FBXL17: variants seen among roughly 807,000 people sequenced by gnomAD.
FBXL17 encodes the protein F-box/LRR-repeat protein 17.
In FBXL17, 22 loss-of-function variants were observed where a neutral mutation model predicts 66.2. That is an observed-to-expected ratio of 0.33 (90% confidence interval 0.24 to 0.47). The LOEUF (loss-of-function observed/expected upper bound fraction) is 0.47. Among genes scored for constraint, FBXL17 ranks in the 20% least tolerant of loss-of-function variants. The pLI is 1.00. For synonymous variants in FBXL17, 474 were observed against 400.5 expected, an observed-to-expected ratio of 1.18 and a Z score of -2.19; for missense variants, 878 against 948.2, an observed-to-expected ratio of 0.93 and a Z score of 0.97.
At chr5:108,043,060 T>C (rs1420549155) in intron 6 of FBXL17, among the ~76,000 whole-genome samples, 1 of 152,226 alleles carries the variant, frequency 6.6e-6, no homozygotes, top group Non-Finnish European at 1.5e-5. Flanking sequence ...CATTTACGCA[T>C]TTTCTAACTG....
At chr5:107,878,509 G>A in intron 8 of FBXL17, 1 of 776,960 alleles carries the variant, frequency 1.3e-6, no homozygotes, top group Non-Finnish European at 1.6e-6. Context: ...GTTAGTAACT[G>A]CCCGCGGTGA....
intron 6 of FBXL17, among the ~76,000 whole-genome samples, chr5:108,167,670 C>A (rs1016920357): frequency 1.3e-5 from 2 of 152,098 alleles, no homozygotes; most frequent in African/African-American, 4.8e-5. Flanking sequence ...AAACTCCTTA[C>A]AAAGCCATGT....
At chr5:108,213,550 C>T (rs1754469312) in intron 5 of FBXL17, among the ~76,000 whole-genome samples, 1 of 152,172 alleles carries the variant, frequency 6.6e-6, no homozygotes, top group African/African-American at 2.4e-5. Context: ...GAAAATTCCC[C>T]AATCCCTTGC....
At chr5:108,326,319 G>C (rs868501327) in intron 4 of FBXL17, among the ~76,000 whole-genome samples, 11 of 152,016 alleles carry the variant, frequency 7.2e-5, no homozygotes, top group African/African-American at 2.2e-4. Context: ...TTGGCTGGGC[G>C]CAGTGGCTCA....
At position 108,210,634 on chromosome 5, in the gene FBXL17, T is replaced by C. The variant is rs146179101; in HGVS notation, c.1614+13487A>G. Among the ~76,000 whole-genome samples, 11 of 152,378 alleles carry C rather than the reference T, an allele frequency of 7.2e-5. No homozygotes were observed. The East Asian group carries it at 2.1e-3, about 29-fold the overall frequency. The stretch of plus-strand genomic sequence containing the variant: ...AGTTGTGCGGTTTTGAGTGAGTCTC[T>C]TAATCGTGAGTTCTAATTTGATTGC... On this transcript the variant is annotated intron_variant, in intron 5 of 8. Transcript: ENST00000542267.
At chr5:108,334,680 G>A (rs1222463847) in intron 4 of FBXL17, among the ~76,000 whole-genome samples, 2 of 152,078 alleles carry the variant, frequency 1.3e-5, no homozygotes, top group Non-Finnish European at 2.9e-5. Context: ...ACTTCATGGT[G>A]GTTACTATAA....
Position 108,139,442 on chromosome 5 carries a change from T to C in FBXL17, c.1745+46675A>G, listed in dbSNP as rs184991542. Among the ~76,000 whole-genome samples, 25 of 152,318 alleles carry C rather than the reference T, an allele frequency of 1.6e-4. No individual in the cohort carries two copies. In the East Asian group the frequency reaches 4.6e-3, roughly 28 times the overall value. ...TCAATCAGCATTTTTTGAGTTCTCA[T>C]AAGTGGACTGCTGACTTCTGCTGGA... On this transcript the variant is annotated intron_variant, in intron 6 of 8. Transcript: ENST00000542267.
At chr5:108,278,592 T>G (rs1201187553) in intron 4 of FBXL17, among the ~76,000 whole-genome samples, 1 of 152,088 alleles carries the variant, frequency 6.6e-6, no homozygotes, top group Non-Finnish European at 1.5e-5. Context: ...CAGGACTGAG[T>G]TGCAGGCCAG....
At chr5:108,089,500 T>C (rs1321522945) in intron 6 of FBXL17, among the ~76,000 whole-genome samples, 1 of 152,174 alleles carries the variant, frequency 6.6e-6, no homozygotes, top group Non-Finnish European at 1.5e-5. Flanking sequence ...CTTCCTTAAA[T>C]CTCTTCTTAA....
chr5:108,168,880 A>G (rs1265485093), intron 6 of FBXL17, among the ~76,000 whole-genome samples: 1 of 152,188 alleles, frequency 6.6e-6, no homozygotes, highest in Non-Finnish European at 1.5e-5. Flanking sequence ...GAAAAATAAA[A>G]CCATTCAAAT....
At chr5:108,164,215 C>G (rs1054258266) in intron 6 of FBXL17, among the ~76,000 whole-genome samples, 2 of 152,142 alleles carry the variant, frequency 1.3e-5, no homozygotes, top group Non-Finnish European at 2.9e-5. Context: ...ATTATCCAAC[C>G]ATGACATTAA....
intron 6 of FBXL17, among the ~76,000 whole-genome samples, chr5:108,160,182 A>C (rs1487935557): frequency 1.3e-5 from 2 of 152,192 alleles, no homozygotes; most frequent in Non-Finnish European, 2.9e-5. Context: ...GAAAAGACAT[A>C]CAGTTAATAT....
At chr5:107,999,053 G>A (rs1753601882) in intron 7 of FBXL17, among the ~76,000 whole-genome samples, 2 of 152,102 alleles carry the variant, frequency 1.3e-5, no homozygotes, top group South Asian at 4.1e-4. Context: ...ATCTCTCCTT[G>A]CCATCAGTGC....
rs570034766 is a variant in FBXL17 at position 107,917,151 on chromosome 5, G to C, written c.1823-35972C>G. 3.3e-5 allele frequency among the ~76,000 whole-genome samples: 5 copies of C among 152,268 alleles called. No homozygotes were observed. The South Asian group carries it at 1.0e-3, about 32-fold the overall frequency. On this transcript the variant is annotated intron_variant, in intron 7 of 8. Coordinates refer to ENST00000542267, the MANE Select transcript of FBXL17 (RefSeq NM_001163315.3). ...CACCGCCACTACTATTACAATTACA[G>C]CTACTATTACTGGCTGCTGACAGCA...
chr5:107,935,638 C>T (rs531860850), intron 7 of FBXL17, among the ~76,000 whole-genome samples: 2 of 152,144 alleles, frequency 1.3e-5, no homozygotes, highest in African/African-American at 4.8e-5. Flanking sequence ...AACAGAATTA[C>T]ATCATTATTT....
intron 4 of FBXL17, among the ~76,000 whole-genome samples, chr5:108,284,472 C>T (rs372580137): frequency 2.0e-5 from 3 of 151,760 alleles, no homozygotes; most frequent in Admixed American, 6.6e-5. Context: ...GTCACATATT[C>T]GTATTCCTAA....
chr5:108,117,419 A>G (rs1470626626), intron 6 of FBXL17, among the ~76,000 whole-genome samples: 1 of 152,234 alleles, frequency 6.6e-6, no homozygotes, highest in Non-Finnish European at 1.5e-5. Flanking sequence ...CAAATGAAAA[A>G]GAGTGTTTTA....
At chr5:108,348,561 A>C (rs1747428440) in intron 3 of FBXL17, 31 bp from the exon 4 acceptor site, 1 of 1,584,842 alleles carries the variant, frequency 6.3e-7, no homozygotes, top group African/African-American at 1.3e-5. Context: ...CTGAATGCTC[A>C]AAAAATAACA....
intron 7 of FBXL17, among the ~76,000 whole-genome samples, chr5:107,930,827 C>T (rs1750704624): frequency 6.6e-6 from 1 of 152,236 alleles, no homozygotes; most frequent in Non-Finnish European, 1.5e-5. Flanking sequence ...GGAATTAGTA[C>T]TTTTTAAATA....
Sources: gnomAD v4.1 joint callset for allele counts (sites outside exome capture counted in the v4.1 genomes callset) on GRCh38, gnomAD v4.1.1 for gene constraint, MANE v1.5 for transcripts, NCBI Gene and HGNC (gene_info 2026-07-23, HGNC 2026-07-21) for gene names.